Variants in EPN2 observed in about 807,000 individuals in gnomAD.
EPN2 encodes epsin 2, also known as epsin-2.
A neutral mutation model predicts 61.7 loss-of-function variants in EPN2; 34 were observed. That is an observed-to-expected ratio of 0.55 (90% CI 0.42 to 0.73). EPN2 has a LOEUF of 0.73. Among genes scored for constraint, EPN2 ranks in the 30% least tolerant of loss-of-function variants. EPN2 has a pLI of 0.00. For missense variants in EPN2, 714 were observed against 839.2 expected (o/e 0.85, Z 1.84); for synonymous variants, 349 against 353.6 (o/e 0.99, Z 0.15).
chr17:19,295,908 C>T (rs1039937644), intron 4 of EPN2, among the ~76,000 whole-genome samples: 1 of 152,152 alleles, frequency 6.6e-6, no homozygotes, highest in Non-Finnish European at 1.5e-5. Flanking sequence ...CTCCCCTCTC[C>T]CCTCAACTCA....
chr17:19,276,981 A>G (rs1350755065), intron 1 of EPN2, among the ~76,000 whole-genome samples: 5 of 152,154 alleles, frequency 3.3e-5, no homozygotes, highest in Admixed American at 6.5e-5. Flanking sequence ...TTTTAGTTGC[A>G]TTTGCATGTG....
At chr17:19,315,059 G>A (rs1906321982) in intron 7 of EPN2, among the ~76,000 whole-genome samples, 1 of 152,220 alleles carries the variant, frequency 6.6e-6, no homozygotes, top group Non-Finnish European at 1.5e-5. Context: ...GGAGGGAATT[G>A]GGGATCAGAG....
intron 4 of EPN2, chr17:19,308,326 A>C (rs1326736504): frequency 1.0e-6 from 1 of 958,230 alleles, no homozygotes; most frequent in East Asian, 1.2e-4. Flanking sequence ...CGCCCGTCTC[A>C]GCCTCCCAAA....
At chr17:19,271,597 G>A (rs941990610) in intron 1 of EPN2, 1 of 152,242 alleles carries the variant, frequency 6.6e-6, no homozygotes, top group Non-Finnish European at 1.5e-5. Flanking sequence ...GAGGCTCAGC[G>A]GACATCAACC....
In EPN2 at chr17:19,285,313, G is replaced by A. The variant is rs2045393883; in HGVS notation, c.596-307G>A. Among the ~76,000 whole-genome samples, 2 of 152,230 alleles carry A rather than the reference G, an allele frequency of 1.3e-5. No homozygotes were observed. The highest frequency in any genetic ancestry group is 3.8e-4 in the East Asian group (2 of 5,204). On this transcript the variant is annotated intron_variant, in intron 3 of 10. Coordinates refer to ENST00000314728, the MANE Select transcript of EPN2 (RefSeq NM_014964.5). This position sits in a 1 kb window ranked among gnomAD's most constrained non-coding sequence, Gnocchi z 4.5. Reference sequence around the variant, plus strand: ...TGCAGATGCAGGGGTTGGAACAGTGGGGATGCAGGAGCCTGGTTTGATCCA... The same window carrying A: ...TGCAGATGCAGGGGTTGGAACAGTGAGGATGCAGGAGCCTGGTTTGATCCA...
intron 1 of EPN2, among the ~76,000 whole-genome samples, chr17:19,259,791 A>C (rs909214568): frequency 6.6e-6 from 1 of 152,196 alleles, no homozygotes; most frequent in African/African-American, 2.4e-5. Flanking sequence ...GGGCCTTGAG[A>C]GAGCGACCCC....
At chr17:19,311,904 T>A (rs1906156965) in intron 5 of EPN2, 148 bp from the exon 6 acceptor site, 1 of 669,088 alleles carries the variant, frequency 1.5e-6, no homozygotes, top group East Asian at 2.6e-5. Flanking sequence ...CATTTGGGAT[T>A]TGAAAGTAAT....
intron 4 of EPN2, among the ~76,000 whole-genome samples, chr17:19,305,631 C>G (rs1905800219): frequency 6.6e-6 from 1 of 152,182 alleles, no homozygotes; most frequent in Non-Finnish European, 1.5e-5. Context: ...CTGAAAGTGG[C>G]CCACTGAAGC....
chr17:19,300,574 G>A (rs569494264), intron 4 of EPN2, among the ~76,000 whole-genome samples: 2 of 151,832 alleles, frequency 1.3e-5, no homozygotes, highest in African/African-American at 2.4e-5. Flanking sequence ...GATTACAGGC[G>A]CCTGTCACCA....
intron 1 of EPN2, among the ~76,000 whole-genome samples, chr17:19,262,236 T>C (rs1354369937): frequency 6.6e-6 from 1 of 151,842 alleles, no homozygotes; most frequent in East Asian, 1.9e-4. Context: ...CCCAGCACTT[T>C]GGGAGGCCAA....
intron 1 of EPN2, among the ~76,000 whole-genome samples, chr17:19,241,306 C>G (rs865946089): frequency 6.6e-6 from 1 of 152,044 alleles, no homozygotes; most frequent in African/African-American, 2.4e-5. Context: ...ACAAACTTGC[C>G]GGGCATGGTG....
chr17:19,249,830 T>G (rs543305489), intron 1 of EPN2, among the ~76,000 whole-genome samples: 2 of 152,194 alleles, frequency 1.3e-5, no homozygotes, highest in South Asian at 4.2e-4. Flanking sequence ...GGGGTCATGG[T>G]GTAGTTAGAG....
intron 1 of EPN2, among the ~76,000 whole-genome samples, chr17:19,249,866 G>A (rs1466926934): frequency 6.6e-6 from 1 of 152,090 alleles, no homozygotes; most frequent in African/African-American, 2.4e-5. Context: ...GGCTCTGGGG[G>A]GGAACCCGTT....
chr17:19,330,338 C>T (rs548441015), intron 9 of EPN2, among the ~76,000 whole-genome samples: 1 of 152,236 alleles, frequency 6.6e-6, no homozygotes, highest in South Asian at 2.1e-4. Context: ...TGCTGCTTGC[C>T]TCCCCCAATT....
intron 4 of EPN2, among the ~76,000 whole-genome samples, chr17:19,287,731 A>G (rs2045419499): frequency 6.6e-6 from 1 of 152,216 alleles, no homozygotes; most frequent in Non-Finnish European, 1.5e-5. Context: ...CAGACCCCAC[A>G]GAGGCAGAGG....
intron 1 of EPN2, among the ~76,000 whole-genome samples, chr17:19,246,414 C>T (rs1439512836): frequency 2.0e-5 from 3 of 152,094 alleles, no homozygotes; most frequent in Non-Finnish European, 2.9e-5. Context: ...AGGCAATTAA[C>T]ACCTGGGTTC....
At chr17:19,320,206 C>T (rs752121229) in intron 7 of EPN2, among the ~76,000 whole-genome samples, 8 of 152,252 alleles carry the variant, frequency 5.3e-5, no homozygotes, top group Non-Finnish European at 8.8e-5. Context: ...GTGGTCACCC[C>T]GTCCTCAGGC....
rs544005804 is a variant in EPN2, at chr17:19,244,342, C to G, written c.-294+6811C>G. On this transcript the variant is annotated intron_variant, in intron 1 of 10. Transcript: ENST00000314728. Reference sequence around the variant, plus strand: ...GGTGTGGTGGCGTGGGCCTGTAGTCCCAACTACTCGAGAGGCTGAGGCACG... The same window carrying G: ...GGTGTGGTGGCGTGGGCCTGTAGTCGCAACTACTCGAGAGGCTGAGGCACG... 6.6e-5 allele frequency among the ~76,000 whole-genome samples: 10 copies of G among 152,000 alleles called. 1 individual carries two copies. Among genetic ancestry groups the G allele is most frequent in the African/African-American group, 2.2e-4 (9 of 41,444 alleles).
At position 19,313,184 on chromosome 17, in the gene EPN2, C is replaced by CT; in HGVS notation, c.1052_1053insT (p.Glu352ArgfsTer10). The CT allele has an allele frequency of 6.2e-7, 1 of 1,613,282 alleles. No individual in the cohort carries two copies. Among genetic ancestry groups the CT allele is most frequent in the Non-Finnish European group, 8.5e-7 (1 of 1,179,656 alleles). ...AGCTCGGGCCCCGCGGCCCAGAAAG[C>CT]AGAGCCCTGGGGCCCGTCAGCCTCC... On this transcript the variant is annotated frameshift_variant, in exon 7 of 11. Coordinates refer to ENST00000314728, the MANE Select transcript of EPN2 (RefSeq NM_014964.5). LOFTEE classifies it high-confidence loss of function.
Sources: allele counts gnomAD v4.1 joint callset (sites outside exome capture counted in the v4.1 genomes callset), GRCh38; gene constraint gnomAD v4.1.1; non-coding constraint Gnocchi (gnomAD v3.1); transcripts MANE v1.5; gene names NCBI Gene and HGNC (gene_info 2026-07-23, HGNC 2026-07-21).